The following GPHN variants were observed in gnomAD, a reference collection of about 807,000 sequenced individuals.
GPHN encodes gephyrin.
A neutral mutation model predicts 95.5 loss-of-function variants in GPHN; 17 were observed. The ratio of observed to expected loss-of-function variants is 0.18; its 90% CI spans 0.12 to 0.27. The LOEUF (loss-of-function observed/expected upper bound fraction) is 0.27. Among genes scored for constraint, GPHN ranks in the 10% least tolerant of loss-of-function variants. The pLI is 1.00. For missense variants in GPHN, 660 were observed against 978.1 expected (o/e 0.67, Z 4.34); for synonymous variants, 320 against 322.5 (o/e 0.99, Z 0.08).
At chr14:67,115,243 A>G (rs2078609588) in intron 16 of GPHN, among the ~76,000 whole-genome samples, 1 of 150,016 alleles carries the variant, frequency 6.7e-6, no homozygotes, top group African/African-American at 2.5e-5. Flanking sequence ...ATTGGTGATA[A>G]AAAAAAAAGA....
intron 4 of GPHN, 70 bp downstream of exon 4, chr14:66,824,636 T>C: frequency 8.5e-6 from 6 of 707,588 alleles, no homozygotes; most frequent in South Asian, 1.7e-5. Flanking sequence ...CTTTTTACTA[T>C]ATTTATATTA....
the GPHN span, chr14:67,223,862 C>A: frequency 1.0e-6 from 1 of 985,784 alleles, no homozygotes; most frequent in Non-Finnish European, 1.2e-6. Context: ...ACTTAACACC[C>A]TGTACCCCAA....
At chr14:67,489,310 T>C in the GPHN span, among the ~76,000 whole-genome samples, 8 of 152,204 alleles carry the variant, frequency 5.3e-5, no homozygotes, top group Non-Finnish European at 1.2e-4. Context: ...CCCCATACAA[T>C]GTGCCTTCGA....
the GPHN span, among the ~76,000 whole-genome samples, chr14:67,673,414 T>C: frequency 6.6e-6 from 1 of 152,206 alleles, no homozygotes; most frequent in Non-Finnish European, 1.5e-5. Flanking sequence ...TGATTTACTT[T>C]CCTGTATTCT....
intron 16 of GPHN, among the ~76,000 whole-genome samples, chr14:67,119,007 GGGATA>G (rs1250265699): frequency 6.6e-6 from 1 of 152,154 alleles, no homozygotes; most frequent in Non-Finnish European, 1.5e-5. Flanking sequence ...GGTTGGCCAT[GGGATA>G]GTTTTAAGGT....
intron 1 of GPHN, among the ~76,000 whole-genome samples, chr14:66,553,211 G>A (rs943620648): frequency 1.3e-5 from 2 of 151,918 alleles, no homozygotes; most frequent in South Asian, 2.1e-4. Context: ...GGCTGGTCTC[G>A]AACTTTTGAC....
intron 1 of GPHN, among the ~76,000 whole-genome samples, chr14:66,665,451 A>G (rs1204415664): frequency 2.6e-5 from 4 of 152,218 alleles, no homozygotes; most frequent in Non-Finnish European, 4.4e-5. Flanking sequence ...ATATGAACAG[A>G]CACTTCTCAA....
At chr14:66,776,548 C>T in intron 3 of GPHN, 27 bp downstream of exon 3, 1 of 1,332,088 alleles carries the variant, frequency 7.5e-7, no homozygotes, top group South Asian at 1.2e-5. Flanking sequence ...TTCACCTCTA[C>T]AAACATTTAG....
At chr14:66,591,143 A>C (rs1221494819) in intron 1 of GPHN, among the ~76,000 whole-genome samples, 1 of 152,206 alleles carries the variant, frequency 6.6e-6, no homozygotes, top group Non-Finnish European at 1.5e-5. Flanking sequence ...CTTGGTATTG[A>C]TGAAACATAT....
intron 1 of GPHN, among the ~76,000 whole-genome samples, chr14:66,633,289 T>C (rs965879021): frequency 6.6e-6 from 1 of 152,194 alleles, no homozygotes; most frequent in Non-Finnish European, 1.5e-5. Flanking sequence ...ACAGCACAAT[T>C]TGAGTTTGAA....
the GPHN span, among the ~76,000 whole-genome samples, chr14:67,591,342 C>T: frequency 1.3e-5 from 2 of 152,128 alleles, no homozygotes; most frequent in African/African-American, 4.8e-5. Context: ...CTCTGGAGCC[C>T]GATCTTAAAC....
At chr14:67,291,156 A>AT in the GPHN span, among the ~76,000 whole-genome samples, 1 of 152,158 alleles carries the variant, frequency 6.6e-6, no homozygotes, top group Non-Finnish European at 1.5e-5. Context: ...ACGATTCCCA[A>AT]CAAATATGAC....
At chr14:67,196,921 C>T in the GPHN span, 6 of 152,084 alleles carry the variant, frequency 3.9e-5, no homozygotes, top group South Asian at 6.2e-4. Context: ...CTTTTGTATA[C>T]AAATTAGTGC....
the GPHN span, among the ~76,000 whole-genome samples, chr14:67,621,592 C>T: frequency 4.5e-4 from 68 of 151,800 alleles, no homozygotes; most frequent in African/African-American, 1.5e-3. Flanking sequence ...ATTACAGGTG[C>T]GTGCCACCAC....
chr14:67,161,028 C>T (rs1647125106), intron 19 of GPHN, among the ~76,000 whole-genome samples: 1 of 152,182 alleles, frequency 6.6e-6, no homozygotes, highest in Non-Finnish European at 1.5e-5. Flanking sequence ...TGGTGGCTCA[C>T]GCCTATAATC....
chr14:66,734,749 T>C (rs1220141512), intron 2 of GPHN, among the ~76,000 whole-genome samples: 5 of 152,198 alleles, frequency 3.3e-5, no homozygotes, highest in African/African-American at 1.2e-4. Context: ...TCCATATAAA[T>C]TAATAATTGA....
the GPHN span, chr14:67,393,338 C>G: frequency 1.2e-6 from 1 of 830,538 alleles, no homozygotes; most frequent in Middle Eastern, 2.2e-4. Context: ...AAGCAAGTGG[C>G]AAATGGTGTG....
At chr14:67,104,239 C>A (rs2077907801) in intron 13 of GPHN, among the ~76,000 whole-genome samples, 1 of 152,282 alleles carries the variant, frequency 6.6e-6, no homozygotes, top group South Asian at 2.1e-4. Flanking sequence ...GGTAAATGAT[C>A]TTTTTAACGT....
At chr14:67,608,112 C>G in the GPHN span, among the ~76,000 whole-genome samples, 736 of 152,046 alleles carry the variant, frequency 4.8e-3, 35 homozygotes, top group East Asian at 0.082. Flanking sequence ...GGTGTTGTGG[C>G]ACGTGCCTAC....
Sources: allele counts gnomAD v4.1 joint callset (sites outside exome capture counted in the v4.1 genomes callset), GRCh38; gene constraint gnomAD v4.1.1; transcripts MANE v1.5; gene names NCBI Gene and HGNC (gene_info 2026-07-23, HGNC 2026-07-21).